The following SH3KBP1 variants were observed in gnomAD, a reference collection of about 807,000 sequenced individuals.
SH3KBP1 encodes the protein SH3 domain containing kinase binding protein 1.
In SH3KBP1, 8 loss-of-function variants were observed where a neutral mutation model predicts 50.1. That is an observed-to-expected ratio of 0.16 (90% CI 0.09 to 0.29). SH3KBP1 has a LOEUF of 0.29. Ranked by LOEUF, SH3KBP1 falls within the 10% of genes least tolerant of loss-of-function variation. SH3KBP1 has a pLI of 1.00. For synonymous variants in SH3KBP1, 227 were observed against 218.6 expected (o/e 1.04, Z -0.34); for missense variants, 377 against 535.2 (o/e 0.70, Z 2.92).
chrX:19,846,762 G>A (rs2068377027), intron 1 of SH3KBP1, among the ~76,000 whole-genome samples: 2 of 111,656 alleles, frequency 1.8e-5, no homozygotes, highest in South Asian at 7.5e-4. Context: ...CTCATTTCAT[G>A]AAACAATTTT....
rs193276234 is a variant in SH3KBP1 at position 19,858,431 on chromosome X, G to C, written c.5-22149C>G. ...AGGTCAGGAGTTCAAGACCAGCCTG[G>C]CCAACATAGTGAGATCCCATCTCTA... is the stretch of plus-strand genomic sequence containing the variant. On this transcript the variant is annotated intron_variant, in intron 1 of 17. Coordinates refer to ENST00000397821, the MANE Select transcript of SH3KBP1 (RefSeq NM_031892.3). Among the ~76,000 whole-genome samples the C allele has an allele frequency of 1.8e-4, 20 of 110,832 alleles. No homozygotes were observed. In the East Asian group the frequency reaches 5.1e-3, roughly 28 times the overall value.
chrX:19,539,092 T>C (rs1374089543), intron 16 of SH3KBP1, among the ~76,000 whole-genome samples: 1 of 111,893 alleles, frequency 8.9e-6, no homozygotes, highest in Non-Finnish European at 1.9e-5. Context: ...AATAATGAAG[T>C]GCACAGCACT....
chrX:19,665,880 G>T (rs1175640494), intron 6 of SH3KBP1, among the ~76,000 whole-genome samples: 2 of 112,002 alleles, frequency 1.8e-5, no homozygotes, highest in African/African-American at 6.5e-5. Flanking sequence ...TTTACAACTA[G>T]TGAGAATATC....
At chrX:19,701,963 T>C (rs779382274) in intron 4 of SH3KBP1, among the ~76,000 whole-genome samples, 1 of 112,412 alleles carries the variant, frequency 8.9e-6, no homozygotes, top group Admixed American at 9.4e-5. Flanking sequence ...CTAATCAACT[T>C]TCTCTTCTAA....
At chrX:19,633,192 G>A (rs779008798) in intron 7 of SH3KBP1, among the ~76,000 whole-genome samples, 8 of 111,835 alleles carry the variant, frequency 7.2e-5, no homozygotes, top group Non-Finnish European at 1.3e-4. Context: ...GGAAGGGGAA[G>A]GAGTGAAGGG....
At chrX:19,641,089 CTTTG>C (rs199932503) in intron 7 of SH3KBP1, among the ~76,000 whole-genome samples, 2,335 of 112,160 alleles carry the variant, frequency 0.021, 76 homozygotes, top group African/African-American at 0.071. Flanking sequence ...TCTTTCCTTG[CTTTG>C]TTTGTGCGTT....
chrX:19,752,535 A>G (rs1481860155), intron 2 of SH3KBP1, among the ~76,000 whole-genome samples: 2 of 112,067 alleles, frequency 1.8e-5, no homozygotes, highest in Non-Finnish European at 3.8e-5. Context: ...AACAGGCAAA[A>G]TTAATCATTG....
chrX:19,847,630 T>A (rs774945292), intron 1 of SH3KBP1, among the ~76,000 whole-genome samples: 4 of 112,254 alleles, frequency 3.6e-5, no homozygotes, highest in Non-Finnish European at 7.5e-5. Flanking sequence ...CACCATAATG[T>A]GCAGGTTATT....
rs1556423510 is a variant in SH3KBP1 at position 19,874,086 on chromosome X, T to TAA, written c.4+13219_4+13220dup. On this transcript the variant is annotated intron_variant, in intron 1 of 17. Transcript: ENST00000397821. ...AAAAAAAAATATATATATATATATA[T>TAA]AAAACTCTAAAAGAAGTACACTAAA... is the stretch of plus-strand genomic sequence containing the variant. Among the ~76,000 whole-genome samples the TAA allele has an allele frequency of 5.4e-3, 465 of 86,424 alleles. 16 individuals carry two copies. Among genetic ancestry groups the TAA allele is most frequent in the African/African-American group, 0.022 (431 of 19,509 alleles). The allele number at this position is 86,424 out of a possible 115,157, so 75.0% of individuals were successfully genotyped here.
intron 5 of SH3KBP1, chrX:19,694,850 G>A (rs182955243): frequency 1.1e-5 from 5 of 455,747 alleles, no homozygotes; most frequent in Admixed American, 7.6e-5. Context: ...TGTCAGAAAG[G>A]AAATTCTGCA....
intron 2 of SH3KBP1, among the ~76,000 whole-genome samples, chrX:19,827,882 TAAAC>T (rs1454780251): frequency 2.5e-5 from 2 of 79,395 alleles, no homozygotes; most frequent in East Asian, 3.1e-4. Flanking sequence ...CATGGTCTGT[TAAAC>T]AAAAAAACAA....
chrX:19,837,176 C>A lies in SH3KBP1; in HGVS notation c.5-894G>T, dbSNP rs775037406. ...AAGACAGGTGGCATAGAGGGCCTGG[C>A]TGGCCAAGCCAATGTCTCAGACCGC... On this transcript the variant is annotated intron_variant, in intron 1 of 17. Coordinates refer to ENST00000397821, the MANE Select transcript of SH3KBP1 (RefSeq NM_031892.3). 8.9e-5 allele frequency among the ~76,000 whole-genome samples: 10 copies of A among 112,305 alleles called. No individual in the cohort carries two copies. In the South Asian group the frequency reaches 3.7e-3, roughly 41 times the overall value.
intron 1 of SH3KBP1, among the ~76,000 whole-genome samples, chrX:19,838,135 T>G (rs181260099): frequency 8.9e-6 from 1 of 112,159 alleles, no homozygotes; most frequent in Admixed American, 9.4e-5. Flanking sequence ...GTTTTAAGCA[T>G]CCATTGAGAT....
chrX:19,563,157 A>C (rs1298776527), intron 13 of SH3KBP1, among the ~76,000 whole-genome samples: 3 of 112,169 alleles, frequency 2.7e-5, no homozygotes, highest in Non-Finnish European at 5.6e-5. Context: ...GCCCTGTGCA[A>C]GGTGCACAGG....
intron 2 of SH3KBP1, among the ~76,000 whole-genome samples, chrX:19,747,409 A>T (rs2064947427): frequency 9.0e-6 from 1 of 111,584 alleles, no homozygotes; most frequent in South Asian, 3.8e-4. Flanking sequence ...GGGAAAAGTG[A>T]AAGCTTAGGG....
intron 6 of SH3KBP1, among the ~76,000 whole-genome samples, chrX:19,683,144 A>G (rs904018580): frequency 9.0e-5 from 10 of 111,448 alleles, no homozygotes; most frequent in African/African-American, 3.3e-4. Context: ...AGTATACCAC[A>G]GTAGACGTCA....
intron 1 of SH3KBP1, among the ~76,000 whole-genome samples, chrX:19,869,677 G>A (rs762822769): frequency 1.7e-3 from 194 of 112,589 alleles, no homozygotes; most frequent in Non-Finnish European, 3.2e-3. Flanking sequence ...AAATATTGGC[G>A]AGAACAGGGA....
intron 1 of SH3KBP1, among the ~76,000 whole-genome samples, chrX:19,884,096 T>C (rs2069521387): frequency 8.9e-6 from 1 of 111,950 alleles, no homozygotes; most frequent in Admixed American, 9.5e-5. Context: ...CTCAACCAGA[T>C]TTCTGCTCAA....
intron 2 of SH3KBP1, among the ~76,000 whole-genome samples, chrX:19,814,713 C>T (rs2067305118): frequency 9.0e-6 from 1 of 111,490 alleles, no homozygotes; most frequent in Admixed American, 9.5e-5. Flanking sequence ...CAATCCCATC[C>T]CCAACATTCA....
Sources: gnomAD v4.1 joint callset for allele counts (sites outside exome capture counted in the v4.1 genomes callset) on GRCh38, gnomAD v4.1.1 for gene constraint, MANE v1.5 for transcripts, NCBI Gene and HGNC (gene_info 2026-07-23, HGNC 2026-07-21) for gene names.